BORCS8: variants seen among roughly 807,000 people sequenced by gnomAD.
The protein encoded by BORCS8 is BLOC-1 related complex subunit 8, also known as BLOC-1-related complex subunit 8.
A neutral mutation model predicts 18.7 loss-of-function variants in BORCS8; 13 were observed. That is an observed-to-expected ratio of 0.70 (90% CI 0.45 to 1.11). The LOEUF is 1.11. Among genes scored for constraint, BORCS8 ranks in the 50% least tolerant of loss-of-function variants. The pLI is 0.00. For synonymous variants in BORCS8, 68 were observed against 64.8 expected, an observed-to-expected ratio of 1.05 and a Z score of -0.24; for missense variants, 165 against 165.7, an observed-to-expected ratio of 1.00 and a Z score of 0.02.
At position 19,192,131 on chromosome 19, in the gene BORCS8, G is replaced by C. The variant is rs1016395376; in HGVS notation, c.-14C>G. On this transcript the variant is annotated 5_prime_UTR_variant, in exon 1 of 6. Coordinates refer to ENST00000462790, the MANE Select transcript of BORCS8 (RefSeq NM_001145784.2). ...CGGCTCCTCCATAGCGACCGCGGCC[G>C]AGCGAACCGGGAAACGGCACCGGAA... The C allele has an allele frequency of 1.9e-6, 3 of 1,551,140 alleles. No individual in the cohort carries two copies. The highest frequency in any genetic ancestry group is 4.9e-5 in the East Asian group (2 of 40,896).
At chr19:19,188,427 G>C (rs1325304653) in intron 1 of BORCS8, among the ~76,000 whole-genome samples, 1 of 152,104 alleles carries the variant, frequency 6.6e-6, no homozygotes, top group East Asian at 1.9e-4. Flanking sequence ...CAAAGTGCTG[G>C]GATTATAGGC....
intron 3 of BORCS8, among the ~76,000 whole-genome samples, chr19:19,184,603 GTTTT>G (rs1457439137): frequency 6.6e-6 from 1 of 151,512 alleles, no homozygotes; most frequent in Non-Finnish European, 1.5e-5. Context: ...CGCCCGGTCT[GTTTT>G]TTGTTTTTTT....
rs1175556043 is a variant in BORCS8 at position 19,182,708 on chromosome 19, C to A, written c.216-25G>T. Reference sequence around the variant, plus strand: ...GCTGAAACGGGAGGACAGGCCTGGTCAGCGCTCCGGACCTGCAGGTAACTG... The same window carrying A: ...GCTGAAACGGGAGGACAGGCCTGGTAAGCGCTCCGGACCTGCAGGTAACTG... On this transcript the variant is annotated intron_variant, in intron 3 of 5. Transcript: ENST00000462790. The surrounding 1 kb of genome is among the most constrained non-coding windows in gnomAD (Gnocchi z 4.1). The A allele has an allele frequency of 9.1e-6, 14 of 1,543,666 alleles. No homozygotes were observed. The highest frequency in any genetic ancestry group is 2.4e-5 in the South Asian group (2 of 83,466).
chr19:19,184,084 T>C lies in BORCS8; in HGVS notation c.216-1401A>G, dbSNP rs938805715. Among the ~76,000 whole-genome samples the C allele has an allele frequency of 3.3e-5, 5 of 151,450 alleles. No homozygotes were observed. In the South Asian group the frequency reaches 1.0e-3, roughly 32 times the overall value. ...TTTTAGTAGAGATAGGGTTGCACCA[T>C]GTTGGCCAGGCTGGTCTTAACTCCT... On this transcript the variant is annotated intron_variant, in intron 3 of 5. Transcript: ENST00000462790.
chr19:19,186,942 C>T lies in BORCS8; in HGVS notation c.101G>A (p.Arg34Gln), dbSNP rs1568567791. The change falls in exon 2 of 6, where the codon CGG (arginine) becomes CAG (glutamine). Residue 34 changes from arginine to glutamine, a missense_variant. Transcript: ENST00000462790. Reference sequence around the variant, plus strand: ...GGAGCGACGCACATGCTCCTGCAGCCGGTACAGGGCCACGGATGGCTCGTT... The same window carrying T: ...GGAGCGACGCACATGCTCCTGCAGCTGGTACAGGGCCACGGATGGCTCGTT... ...LANEPSVALY[R>Q]LQEHVRRSLP... 3 of 1,551,310 alleles carry T rather than the reference C, an allele frequency of 1.9e-6. No individual in the cohort carries two copies. Among genetic ancestry groups the T allele is most frequent in the Non-Finnish European group, 2.6e-6 (3 of 1,146,902 alleles).
chr19:19,189,930 T>G (rs1453474118), intron 1 of BORCS8, among the ~76,000 whole-genome samples: 1 of 148,592 alleles, frequency 6.7e-6, no homozygotes, highest in Non-Finnish European at 1.5e-5. Flanking sequence ...AAAAAAAAAA[T>G]TAAATGCCCG....
At chr19:19,178,517 C>G (rs1216824164) in intron 5 of BORCS8, 1 of 152,598 alleles carries the variant, frequency 6.6e-6, no homozygotes, top group African/African-American at 2.4e-5. Flanking sequence ...TGACCCTGAG[C>G]TGGCTGCCTT....
chr19:19,188,286 C>G (rs1487253146), intron 1 of BORCS8, among the ~76,000 whole-genome samples: 1 of 152,076 alleles, frequency 6.6e-6, no homozygotes, highest in East Asian at 1.9e-4. Flanking sequence ...GCCTCGGGCT[C>G]CAAAGTGCTG....
At chr19:19,186,664 G>C (rs1466491215) in intron 2 of BORCS8, among the ~76,000 whole-genome samples, 1 of 152,196 alleles carries the variant, frequency 6.6e-6, no homozygotes, top group African/African-American at 2.4e-5. Flanking sequence ...CAGCCCTGTT[G>C]AACTGTGAGT....
intron 5 of BORCS8, chr19:19,180,417 T>C: frequency 1.9e-6 from 1 of 522,196 alleles, no homozygotes; most frequent in Non-Finnish European, 3.4e-6. Context: ...TGGAAATCTC[T>C]GGGACTAGCA....
At chr19:19,187,053 CA>C in intron 1 of BORCS8, 48 bp from the exon 2 acceptor site, 1 of 1,414,830 alleles carries the variant, frequency 7.1e-7, no homozygotes, top group Non-Finnish European at 9.7e-7. Flanking sequence ...GACAAAGCGT[CA>C]GCCTCCTCAT....
At chr19:19,187,427 C>T (rs551236224) in intron 1 of BORCS8, among the ~76,000 whole-genome samples, 6 of 149,236 alleles carry the variant, frequency 4.0e-5, no homozygotes, top group Middle Eastern at 3.5e-3. Context: ...AGTGAGCTGA[C>T]GTCATGCCAT....
intron 2 of BORCS8, 59 bp from the exon 3 acceptor site, chr19:19,186,157 C>T (rs2060407211): frequency 7.4e-6 from 11 of 1,489,750 alleles, no homozygotes; most frequent in Non-Finnish European, 1.0e-5. Flanking sequence ...GAGGGCCTTC[C>T]TCCCAGCTCT....
intron 1 of BORCS8, among the ~76,000 whole-genome samples, chr19:19,191,234 A>G (rs923090996): frequency 6.6e-6 from 1 of 152,030 alleles, no homozygotes; most frequent in South Asian, 2.1e-4. Context: ...GTGTGCCTGT[A>G]ATCCTAGCTA....
chr19:19,177,708 G>GAAA (rs942032354), intron 5 of BORCS8: 3 of 72,088 alleles, frequency 4.2e-5, no homozygotes, highest in African/African-American at 1.6e-4. Context: ...GAAAAGAAAA[G>GAAA]AAAAGAAAAG....
Position 19,180,677 on chromosome 19 carries a change from G to T in BORCS8, c.*42+9C>A. On this transcript the variant is annotated intron_variant, in intron 5 of 5. Coordinates refer to ENST00000462790, the MANE Select transcript of BORCS8 (RefSeq NM_001145784.2). ...GAGAGAGAGGCTCGTGGCTACCCTC[G>T]GCACTGACCTGGGTTGGCGGAGGCT... The T allele has an allele frequency of 1.3e-6, 2 of 1,527,396 alleles. No homozygotes were observed. The allele number at this position is 1,527,396 out of a possible 1,614,324, so 94.6% of individuals were successfully genotyped here.
Position 19,182,214 on chromosome 19 carries a change from G to A in BORCS8, c.326+359C>T. The A allele has an allele frequency of 5.0e-6, 2 of 396,524 alleles. No individual in the cohort carries two copies. Among genetic ancestry groups the A allele is most frequent in the Non-Finnish European group, 7.1e-6 (2 of 282,074 alleles). The allele number at this position is 396,524 out of a possible 1,614,324, so 24.6% of individuals were successfully genotyped here. A position where few individuals can be genotyped will look rare whatever the true frequency, so the allele number is the denominator to read the frequency against. On this transcript the variant is annotated intron_variant, in intron 4 of 5. Transcript: ENST00000462790. The surrounding 1 kb of genome is among the most constrained non-coding windows in gnomAD (Gnocchi z 4.1). ...GCCCCCGGATCGTCTCTGTCTGCATGTAACTCATGCCACCTCCTAGGAGGG... is the reference window on the plus strand; with the variant it reads ...GCCCCCGGATCGTCTCTGTCTGCATATAACTCATGCCACCTCCTAGGAGGG...
Position 19,182,746 on chromosome 19 carries a change from G to A in BORCS8, c.216-63C>T. ...CTGCAGGTAACTGTCCCACACCCCA[G>A]CACTTGAGGTCACCACCAGGGCTCG... On this transcript the variant is annotated intron_variant, in intron 3 of 5. Transcript: ENST00000462790. The surrounding 1 kb of genome is among the most constrained non-coding windows in gnomAD (Gnocchi z 4.1). 12 of 1,487,016 alleles carry A rather than the reference G, an allele frequency of 8.1e-6. No individual in the cohort carries two copies. Among genetic ancestry groups the A allele is most frequent in the Non-Finnish European group, 1.1e-5 (12 of 1,112,980 alleles). The allele number at this position is 1,487,016 out of a possible 1,614,324, so 92.1% of individuals were successfully genotyped here.
intron 1 of BORCS8, among the ~76,000 whole-genome samples, chr19:19,189,483 C>T (rs2060445280): frequency 2.0e-5 from 3 of 152,282 alleles, no homozygotes; most frequent in South Asian, 4.1e-4. Context: ...GAATAAAATC[C>T]GCCTTTCTTG....
Sources: gnomAD v4.1 joint callset for allele counts (sites outside exome capture counted in the v4.1 genomes callset) on GRCh38, gnomAD v4.1.1 for gene constraint, Gnocchi (gnomAD v3.1) non-coding constraint, MANE v1.5 for transcripts, NCBI Gene and HGNC (gene_info 2026-07-23, HGNC 2026-07-21) for gene names.